CHN1: variants seen among roughly 807,000 people sequenced by gnomAD.
The protein encoded by CHN1 is chimerin 1, also known as N-chimaerin.
CHN1 carries 37 observed loss-of-function variants against 59.5 expected under a neutral mutation model. That is an observed-to-expected ratio of 0.62 (90% CI 0.48 to 0.82). The LOEUF (loss-of-function observed/expected upper bound fraction) is 0.82. CHN1 is among the 40% of genes least tolerant of loss of function. The pLI is 0.00. For missense variants in CHN1, 469 were observed against 571.0 expected (o/e 0.82, Z 1.82); for synonymous variants, 206 against 200.4 (o/e 1.03, Z -0.24).
intron 1 of CHN1, among the ~76,000 whole-genome samples, chr2:174,963,044 C>T (rs114268286): frequency 0.042 from 6,353 of 151,980 alleles, 483 homozygotes; most frequent in African/African-American, 0.15. Context: ...CTTTTCATAC[C>T]TAATATAAAA....
intron 1 of CHN1, among the ~76,000 whole-genome samples, chr2:174,980,685 G>A (rs1421901463): frequency 1.3e-5 from 2 of 152,094 alleles, no homozygotes; most frequent in African/African-American, 2.4e-5. Context: ...CAACCAATCA[G>A]TAATAATTAG....
chr2:174,846,612 C>T (rs1331262977), intron 7 of CHN1, among the ~76,000 whole-genome samples: 1 of 152,122 alleles, frequency 6.6e-6, no homozygotes, highest in African/African-American at 2.4e-5. Flanking sequence ...TAACTGAGAC[C>T]TTTTAAATAT....
intron 7 of CHN1, among the ~76,000 whole-genome samples, chr2:174,844,807 GA>G (rs1403756218): frequency 6.6e-6 from 1 of 152,096 alleles, no homozygotes. Context: ...TCAATTCCGA[GA>G]TTTCTGACCT....
intron 3 of CHN1, among the ~76,000 whole-genome samples, chr2:174,931,650 C>CTA (rs769750305): frequency 7.2e-5 from 11 of 152,094 alleles, no homozygotes; most frequent in African/African-American, 9.7e-5. Flanking sequence ...AATAAGTGAA[C>CTA]TATATAGTAT....
At chr2:174,894,453 C>A (rs1688147692) in intron 5 of CHN1, among the ~76,000 whole-genome samples, 1 of 151,792 alleles carries the variant, frequency 6.6e-6, no homozygotes, top group Non-Finnish European at 1.5e-5. Flanking sequence ...ATGACCACTA[C>A]CAAAAAAACC....
chr2:174,829,323 T>C (rs1456788675), intron 7 of CHN1, among the ~76,000 whole-genome samples: 4 of 152,202 alleles, frequency 2.6e-5, no homozygotes, highest in Non-Finnish European at 5.9e-5. Context: ...GGGTGGGCTA[T>C]TGAGGGGCCC....
rs116136029 is a variant in CHN1, at chr2:174,944,936, C to T, written c.66G>A (p.Gln22=). Residue 22 remains glutamine (Q), a synonymous_variant, in exon 3 of 13, where the codon CAG becomes CAA. Transcript: ENST00000409900. ...GAGGATGAGGGGCTTCCTGTTGTAG[C>T]TGATATACTGTGAGAAGGTAGAAAC... is the stretch of plus-strand genomic sequence containing the variant. ...RPPVWKSYLY[Q]LQQEAPHPRR... 494 of 1,573,716 alleles carry T rather than the reference C, an allele frequency of 3.1e-4. 3 individuals carry two copies. The African/African-American group carries it at 6.0e-3, about 19-fold the overall frequency.
At chr2:174,871,817 A>C (rs980833038) in intron 6 of CHN1, among the ~76,000 whole-genome samples, 4 of 152,242 alleles carry the variant, frequency 2.6e-5, no homozygotes, top group African/African-American at 7.2e-5. Flanking sequence ...GACAGGGCTT[A>C]AATCTTCAAC....
chr2:174,961,593 AAAATAAAT>A (rs1201119491), intron 1 of CHN1, among the ~76,000 whole-genome samples: 1 of 151,956 alleles, frequency 6.6e-6, no homozygotes, highest in African/African-American at 2.4e-5. Context: ...CTCCGTCTCA[AAAATAAAT>A]AAATAAATAA....
chr2:174,887,273 C>T (rs1687921593), intron 5 of CHN1, among the ~76,000 whole-genome samples: 1 of 151,936 alleles, frequency 6.6e-6, no homozygotes, highest in Non-Finnish European at 1.5e-5. Flanking sequence ...TATTAGGCAT[C>T]AGATATAATC....
chr2:174,882,593 T>C (rs1687770131), intron 5 of CHN1, among the ~76,000 whole-genome samples: 1 of 152,302 alleles, frequency 6.6e-6, no homozygotes, highest in African/African-American at 2.4e-5. Flanking sequence ...AGCTCCAAGC[T>C]AACAGATGTT....
chr2:174,825,782 CAAGT>C (rs557966415), intron 7 of CHN1, among the ~76,000 whole-genome samples: 107 of 152,132 alleles, frequency 7.0e-4, no homozygotes, highest in African/African-American at 2.2e-3. Flanking sequence ...TCTTAGAAAC[CAAGT>C]AAGTGATTTT....
intron 1 of CHN1, among the ~76,000 whole-genome samples, chr2:174,960,353 T>G (rs1050972403): frequency 6.6e-6 from 1 of 152,244 alleles, no homozygotes; most frequent in Non-Finnish European, 1.5e-5. Flanking sequence ...TGATTAAGTA[T>G]GATTAAGTAT....
At chr2:174,873,104 T>C (rs767805390) in intron 6 of CHN1, among the ~76,000 whole-genome samples, 6 of 151,942 alleles carry the variant, frequency 3.9e-5, no homozygotes, top group Middle Eastern at 3.2e-3. Flanking sequence ...TGTGCAGAAA[T>C]TGTAGTCTTC....
At chr2:174,976,690 C>G (rs1458400379) in intron 1 of CHN1, among the ~76,000 whole-genome samples, 1 of 152,178 alleles carries the variant, frequency 6.6e-6, no homozygotes, top group African/African-American at 2.4e-5. Flanking sequence ...ACTCAGATGG[C>G]TCATAATTTT....
chr2:174,957,609 T>G (rs1373673592), intron 1 of CHN1, among the ~76,000 whole-genome samples: 2 of 152,194 alleles, frequency 1.3e-5, no homozygotes, highest in Non-Finnish European at 2.9e-5. Flanking sequence ...CTAAGGAGTA[T>G]GACGTGGAGC....
chr2:174,936,885 A>G (rs1042359112), intron 3 of CHN1, among the ~76,000 whole-genome samples: 1 of 152,164 alleles, frequency 6.6e-6, no homozygotes, highest in Admixed American at 6.6e-5. Flanking sequence ...GCCTAAAATA[A>G]TTAGTTGTGG....
chr2:174,811,265 G>A lies in CHN1; in HGVS notation c.964+246C>T, dbSNP rs1364511796. ...CTCTGTATGTATTTTGGTGAACATG[G>A]ACCAGCCTTGGATACTCAAATATTG... On this transcript the variant is annotated intron_variant, in intron 10 of 12. Transcript: ENST00000409900. 2.7e-5 allele frequency: 10 copies of A among 368,410 alleles called. No individual in the cohort carries two copies. In the East Asian group the frequency reaches 4.9e-4, roughly 18 times the overall value. 22.8% of individuals were successfully genotyped at this position (368,410 alleles called of 1,614,324 possible).
chr2:174,980,078 C>T (rs66468870), intron 1 of CHN1, among the ~76,000 whole-genome samples: 7,788 of 152,150 alleles, frequency 0.051, 265 homozygotes, highest in African/African-American at 0.093. Context: ...ATAACTACAA[C>T]TGTTGGCATT....
Sources: allele counts gnomAD v4.1 joint callset (sites outside exome capture counted in the v4.1 genomes callset), GRCh38; gene constraint gnomAD v4.1.1; transcripts MANE v1.5; gene names NCBI Gene and HGNC (gene_info 2026-07-23, HGNC 2026-07-21).